The following UBA6 variants were observed in gnomAD, a reference collection of about 807,000 sequenced individuals.
UBA6 encodes ubiquitin-like modifier-activating enzyme 6.
In UBA6, 87 loss-of-function variants were observed where a neutral mutation model predicts 148.3. That is an observed-to-expected ratio of 0.59 (90% CI 0.49 to 0.70). The LOEUF is 0.70. Ranked by LOEUF, UBA6 falls within the 30% of genes least tolerant of loss-of-function variation. UBA6 has a pLI of 0.00. For synonymous variants in UBA6, 376 were observed against 401.0 expected (o/e 0.94, Z 0.75); for missense variants, 1,186 against 1,241.2 (o/e 0.96, Z 0.67).
chr4:67,682,260 TATA>T, intron 2 of UBA6, 47 bp from the exon 3 acceptor site: 1 of 1,418,250 alleles, frequency 7.1e-7, no homozygotes, highest in Admixed American at 1.7e-5. Flanking sequence ...TCACTGAAAT[TATA>T]ATATCTCTTA....
At chr4:67,655,945 C>T (rs150491224) in intron 13 of UBA6, among the ~76,000 whole-genome samples, 1,929 of 152,124 alleles carry the variant, frequency 0.013, 42 homozygotes, top group African/African-American at 0.042. Flanking sequence ...CTACAAGAAA[C>T]GGATAAATTC....
Position 67,701,128 on chromosome 4 carries a change from G to C in UBA6, c.-9C>G, listed in dbSNP as rs376631164. On this transcript the variant is annotated 5_prime_UTR_variant, in exon 1 of 33. Coordinates refer to ENST00000322244, the MANE Select transcript of UBA6 (RefSeq NM_018227.6). ...GGCTCGGATCCTTCCATTGCCGCCT[G>C]AGACACCGCCGCCGGCTACTGGAAG... 1 of 1,612,280 alleles carries C rather than the reference G, an allele frequency of 6.2e-7. No individual in the cohort carries two copies. Among genetic ancestry groups the C allele is most frequent in the East Asian group, 2.2e-5 (1 of 44,850 alleles).
At chr4:67,696,393 G>A (rs1730834311) in intron 2 of UBA6, among the ~76,000 whole-genome samples, 1 of 149,244 alleles carries the variant, frequency 6.7e-6, no homozygotes, top group Admixed American at 6.7e-5. Context: ...TTATATATAT[G>A]TGTGTATATA....
intron 17 of UBA6, among the ~76,000 whole-genome samples, chr4:67,643,697 T>C (rs1729358566): frequency 6.6e-6 from 1 of 152,056 alleles, no homozygotes; most frequent in Non-Finnish European, 1.5e-5. Flanking sequence ...TACATTACAC[T>C]TAAAAAAATG....
chr4:67,640,276 G>C (rs1167422505), intron 18 of UBA6, among the ~76,000 whole-genome samples: 1 of 152,126 alleles, frequency 6.6e-6, no homozygotes, highest in East Asian at 1.9e-4. Context: ...ACCAAGTTAA[G>C]CAAATACACT....
At chr4:67,668,879 AAAATATAATTTCTAT>A (rs1440418952) in intron 8 of UBA6, among the ~76,000 whole-genome samples, 7 of 152,220 alleles carry the variant, frequency 4.6e-5, no homozygotes, top group African/African-American at 1.7e-4. Context: ...ATGAATGCTG[AAAATATAATTTCTAT>A]GTTTGGTAGG....
At chr4:67,662,972 C>T in intron 12 of UBA6, 167 bp downstream of exon 12, 1 of 439,722 alleles carries the variant, frequency 2.3e-6, no homozygotes, top group East Asian at 3.6e-5. Context: ...CCAAATTTCT[C>T]CACTCCCACC....
At chr4:67,638,892 G>C in intron 19 of UBA6, 51 bp downstream of exon 19, 3 of 1,360,224 alleles carry the variant, frequency 2.2e-6, no homozygotes, top group Non-Finnish European at 3.1e-6. Flanking sequence ...GTGGGAAACA[G>C]AAGTGAAAAC....
rs1353715370 is a variant in UBA6, at chr4:67,624,206, A to C, written c.2760T>G (p.Ala920=). ...IKVTGGYPFE[A]YKNCFLNLAI... ...CTAAGTTAAGAAAACAATTTTTGTA[A>C]GCTTCAAATGGATAGCCACCAGTTA... Residue 920 remains alanine, a synonymous_variant, in exon 30 of 33, where the codon GCT becomes GCG. Coordinates refer to ENST00000322244, the MANE Select transcript of UBA6 (RefSeq NM_018227.6). 1.9e-6 allele frequency: 3 copies of C among 1,610,528 alleles called. No individual in the cohort carries two copies. Among genetic ancestry groups the C allele is most frequent in the Non-Finnish European group, 2.5e-6 (3 of 1,178,444 alleles).
chr4:67,694,104 T>C (rs948615183), intron 2 of UBA6, among the ~76,000 whole-genome samples: 1 of 148,112 alleles, frequency 6.8e-6, no homozygotes, highest in African/African-American at 2.5e-5. Context: ...TAGTCCCAGC[T>C]ACTCAGGAGG....
intron 20 of UBA6, 44 bp downstream of exon 20, chr4:67,635,409 A>G: frequency 8.2e-7 from 1 of 1,217,958 alleles, no homozygotes; most frequent in Non-Finnish European, 1.2e-6. Flanking sequence ...CAAAAATTAC[A>G]AGATATAAAA....
chr4:67,619,117 T>C lies in UBA6; in HGVS notation c.3039A>G (p.Val1013=), dbSNP rs185506639. The change falls in exon 33 of 33, where the codon GTA becomes GTG. Residue 1013 remains valine (V), a synonymous_variant. Transcript: ENST00000322244. ...CATATTTCTTTTCAGTAGTAGGTTT[T>C]ACAAGTTTATGCATTCTAAGAAAAA... ...KRLKLTMHKL[V]KPTTEKKYVD... 1.9e-6 allele frequency: 3 copies of C among 1,604,468 alleles called. No individual in the cohort carries two copies. Among genetic ancestry groups the C allele is most frequent in the East Asian group, 2.2e-5 (1 of 44,810 alleles).
intron 2 of UBA6, among the ~76,000 whole-genome samples, chr4:67,688,158 T>C (rs753216192): frequency 7.2e-5 from 11 of 152,156 alleles, no homozygotes; most frequent in Non-Finnish European, 1.0e-4. Flanking sequence ...TTTCTTCATA[T>C]AGTGATCTCT....
chr4:67,691,521 C>T (rs1018242141), intron 2 of UBA6, among the ~76,000 whole-genome samples: 1 of 152,166 alleles, frequency 6.6e-6, no homozygotes, highest in Non-Finnish European at 1.5e-5. Context: ...CAGTTCCTCT[C>T]TCCAGTAAAT....
chr4:67,677,084 G>C (rs1395636006), intron 6 of UBA6, among the ~76,000 whole-genome samples: 1 of 152,122 alleles, frequency 6.6e-6, no homozygotes, highest in African/African-American at 2.4e-5. Context: ...TCTGCTTCTT[G>C]ACTTTAGGCT....
chr4:67,645,756 T>C (rs1472360957), intron 16 of UBA6, among the ~76,000 whole-genome samples, 182 bp downstream of exon 16: 1 of 152,176 alleles, frequency 6.6e-6, no homozygotes, highest in Non-Finnish European at 1.5e-5. Flanking sequence ...GACCAGAGGA[T>C]GGAAAACTTT....
chr4:67,674,345 C>A (rs1730224690), intron 6 of UBA6, among the ~76,000 whole-genome samples: 3 of 152,124 alleles, frequency 2.0e-5, no homozygotes, highest in South Asian at 2.1e-4. Context: ...TACTTGAGGT[C>A]ATTTCTCAGA....
chr4:67,629,385 CCTT>C (rs1728945745), intron 26 of UBA6, among the ~76,000 whole-genome samples: 1 of 151,686 alleles, frequency 6.6e-6, no homozygotes, highest in Admixed American at 6.6e-5. Context: ...AAATTTTAGT[CCTT>C]CTGCAAATTT....
chr4:67,673,419 A>G (rs1439710663), intron 7 of UBA6, among the ~76,000 whole-genome samples: 34 of 98,586 alleles, frequency 3.4e-4, no homozygotes, highest in Middle Eastern at 6.0e-3. Flanking sequence ...CTGTCTCGGG[A>G]AAAAAAAAAA....
Sources: allele counts gnomAD v4.1 joint callset (sites outside exome capture counted in the v4.1 genomes callset), GRCh38; gene constraint gnomAD v4.1.1; transcripts MANE v1.5; gene names NCBI Gene and HGNC (gene_info 2026-07-23, HGNC 2026-07-21).